The following ATP2B2 variants were observed in gnomAD, a reference collection of about 807,000 sequenced individuals.
The protein encoded by ATP2B2 is ATPase plasma membrane Ca2+ transporting 2, also known as plasma membrane calcium-transporting ATPase 2.
A neutral mutation model predicts 120.0 loss-of-function variants in ATP2B2; 15 were observed. The observed-to-expected ratio is 0.12, with a 90% CI of 0.08 to 0.19. The LOEUF (loss-of-function observed/expected upper bound fraction) is 0.19. Among genes scored for constraint, ATP2B2 ranks in the 10% least tolerant of loss-of-function variants. The pLI is 1.00. For missense variants in ATP2B2, 1,045 were observed against 1,719.8 expected (o/e 0.61, Z 6.94); for synonymous variants, 694 against 700.3 (o/e 0.99, Z 0.14).
intron 2 of ATP2B2, chr3:10,570,146 C>T (rs745576367): frequency 3.3e-5 from 5 of 152,202 alleles, no homozygotes; most frequent in Admixed American, 1.3e-4. Context: ...GCTGCAGATG[C>T]CTCTAGCGTC....
intron 1 of ATP2B2, among the ~76,000 whole-genome samples, chr3:10,631,550 C>T (rs1482361444): frequency 6.6e-6 from 1 of 152,180 alleles, no homozygotes; most frequent in Non-Finnish European, 1.5e-5. Context: ...GGCATTCAAG[C>T]TACTTGAGGT....
chr3:10,393,027 G>A (rs1459874074), intron 5 of ATP2B2, among the ~76,000 whole-genome samples: 4 of 152,200 alleles, frequency 2.6e-5, no homozygotes, highest in East Asian at 1.9e-4. Context: ...TTCACTTGAC[G>A]GACAGACATG....
intron 2 of ATP2B2, among the ~76,000 whole-genome samples, chr3:10,589,933 G>A (rs2068602835): frequency 6.6e-6 from 1 of 152,102 alleles, no homozygotes; most frequent in Non-Finnish European, 1.5e-5. Context: ...CCACCCCTAG[G>A]CATTTACCCA....
At chr3:10,550,871 C>T (rs1012742704) in intron 2 of ATP2B2, among the ~76,000 whole-genome samples, 1 of 152,186 alleles carries the variant, frequency 6.6e-6, no homozygotes, top group Non-Finnish European at 1.5e-5. Flanking sequence ...CTGTTATGCA[C>T]GGTCGCCAAG....
intron 1 of ATP2B2, among the ~76,000 whole-genome samples, chr3:10,665,710 G>T (rs1245013977): frequency 6.6e-6 from 1 of 152,168 alleles, no homozygotes; most frequent in East Asian, 1.9e-4. Context: ...TAAAATTTAG[G>T]CTCAGCTCCC....
At chr3:10,542,436 T>C (rs762252328) in intron 2 of ATP2B2, among the ~76,000 whole-genome samples, 7 of 152,218 alleles carry the variant, frequency 4.6e-5, no homozygotes, top group Non-Finnish European at 7.4e-5. Context: ...GCTTATCATG[T>C]TCTTCCTTCC....
chr3:10,358,942 G>A lies in ATP2B2; in HGVS notation c.1902-17C>T, dbSNP rs758878949. 11 of 1,611,094 alleles carry A rather than the reference G, an allele frequency of 6.8e-6. No homozygotes were observed. Among genetic ancestry groups the A allele is most frequent in the South Asian group, 1.1e-5 (1 of 90,936 alleles). On this transcript the variant is annotated splice_polypyrimidine_tract_variant and intron_variant, in intron 13 of 22. Coordinates refer to ENST00000360273, the MANE Select transcript of ATP2B2 (RefSeq NM_001001331.4). ...TTGCAGCACCTAGGGGAGGATGGAA[G>A]GGAGATGGGGAGCCCAGGGAATGCT...
At chr3:10,522,650 T>C (rs1057118049) in intron 3 of ATP2B2, among the ~76,000 whole-genome samples, 4 of 152,260 alleles carry the variant, frequency 2.6e-5, no homozygotes, top group Admixed American at 6.5e-5. Flanking sequence ...AGTAGGCCTC[T>C]GAAGGACTCA....
At chr3:10,462,894 T>C (rs1447778723) in intron 1 of ATP2B2, among the ~76,000 whole-genome samples, 1 of 152,194 alleles carries the variant, frequency 6.6e-6, no homozygotes, top group Non-Finnish European at 1.5e-5. Flanking sequence ...CGAGTTGGCC[T>C]CTCTGGGGTC....
chr3:10,491,321 G>T (rs2065927639), intron 1 of ATP2B2, among the ~76,000 whole-genome samples: 1 of 151,562 alleles, frequency 6.6e-6, no homozygotes, highest in South Asian at 2.1e-4. Flanking sequence ...TGCCTCCCAG[G>T]TTCAAGCAGT....
intron 22 of ATP2B2, chr3:10,336,203 A>G: frequency 2.6e-6 from 4 of 1,550,662 alleles, no homozygotes; most frequent in Non-Finnish European, 3.5e-6. Flanking sequence ...AGGGCTAGAG[A>G]GATTGGCTAC....
At chr3:10,378,673 C>T (rs1042236855) in intron 9 of ATP2B2, among the ~76,000 whole-genome samples, 1 of 152,184 alleles carries the variant, frequency 6.6e-6, no homozygotes, top group Non-Finnish European at 1.5e-5. Context: ...TACCCTGGAT[C>T]CCCCTCTCGG....
At chr3:10,400,234 A>G (rs2062173694) in intron 5 of ATP2B2, among the ~76,000 whole-genome samples, 1 of 152,240 alleles carries the variant, frequency 6.6e-6, no homozygotes, top group African/African-American at 2.4e-5. Context: ...ACCGTTTCAG[A>G]GAATCCTCAT....
At chr3:10,418,547 C>G (rs2062865401) in intron 2 of ATP2B2, among the ~76,000 whole-genome samples, 1 of 152,166 alleles carries the variant, frequency 6.6e-6, no homozygotes, top group African/African-American at 2.4e-5. Context: ...GTGAGTTTTC[C>G]AGGCCATCCA....
intron 1 of ATP2B2, among the ~76,000 whole-genome samples, chr3:10,680,873 T>C (rs1447053977): frequency 6.6e-6 from 1 of 152,128 alleles, no homozygotes; most frequent in Non-Finnish European, 1.5e-5. Flanking sequence ...CATGTTGAAA[T>C]GGGATTCTCC....
intron 3 of ATP2B2, among the ~76,000 whole-genome samples, chr3:10,527,728 G>A (rs894373639): frequency 1.3e-5 from 2 of 152,190 alleles, no homozygotes; most frequent in African/African-American, 4.8e-5. Context: ...AGTGCCTCGC[G>A]AACCCAGCCT....
rs2060435762 is a variant in ATP2B2, at chr3:10,346,489, C to A, written c.2405-352G>T. Among the ~76,000 whole-genome samples the A allele has an allele frequency of 1.3e-5, 2 of 152,240 alleles. No individual in the cohort carries two copies. The highest frequency in any genetic ancestry group is 4.8e-5 in the African/African-American group (2 of 41,468). On this transcript the variant is annotated intron_variant, in intron 16 of 22. Transcript: ENST00000360273. This position sits in a 1 kb window ranked among gnomAD's most constrained non-coding sequence, Gnocchi z 4.1. ...CAGGGCCCCCTCTGCCTCAGCAGGG[C>A]TCCCAGGGTTTCAGCAGGACCTCAC... is the stretch of plus-strand genomic sequence containing the variant.
intron 1 of ATP2B2, among the ~76,000 whole-genome samples, chr3:10,469,509 C>T (rs967736953): frequency 1.3e-5 from 2 of 152,174 alleles, no homozygotes; most frequent in Non-Finnish European, 2.9e-5. Flanking sequence ...AGGGCCCGTG[C>T]AAAGAGCCCT....
chr3:10,642,607 A>G (rs964354452), intron 1 of ATP2B2, among the ~76,000 whole-genome samples: 1 of 151,610 alleles, frequency 6.6e-6, no homozygotes, highest in Non-Finnish European at 1.5e-5. Context: ...AAAATCATCC[A>G]TTTCTATGTT....
Sources: allele counts gnomAD v4.1 joint callset (sites outside exome capture counted in the v4.1 genomes callset), GRCh38; gene constraint gnomAD v4.1.1; non-coding constraint Gnocchi (gnomAD v3.1); transcripts MANE v1.5; gene names NCBI Gene and HGNC (gene_info 2026-07-23, HGNC 2026-07-21).